Variants in MGARP observed in about 807,000 individuals in gnomAD.
The protein encoded by MGARP is mitochondria localized glutamic acid rich protein.
Under a neutral mutation model 11.0 loss-of-function variants are expected in MGARP, and 12 were observed. The observed-to-expected ratio is 1.09, with a 90% CI of 0.70 to 1.77. MGARP has a LOEUF of 1.77. Ranked by LOEUF, MGARP falls within the 40% of genes most tolerant of loss-of-function variation. MGARP has a pLI of 0.00. For missense variants in MGARP, 283 were observed against 297.8 expected (o/e 0.95, Z 0.36); for synonymous variants, 110 against 115.4 (o/e 0.95, Z 0.30).
chr4:139,273,040 T>A (rs928951480), intron 2 of MGARP, among the ~76,000 whole-genome samples: 1 of 151,900 alleles, frequency 6.6e-6, no homozygotes, highest in African/African-American at 2.4e-5. Context: ...ACTCTTAGAG[T>A]TTACAAAGAA....
In MGARP at chr4:139,272,426, G is replaced by A. The variant is rs185869446; in HGVS notation, c.186+2863C>T. 6.2e-3 allele frequency among the ~76,000 whole-genome samples: 936 copies of A among 151,714 alleles called. 10 individuals carry two copies. Among genetic ancestry groups the A allele is most frequent in the African/African-American group, 0.022 (894 of 41,398 alleles). Reference sequence around the variant, plus strand: ...AAAAAAAAATTAGCTGGGCGTGGTAGTGGGCACCTGTAGTCCCAGCTACTC... The same window carrying A: ...AAAAAAAAATTAGCTGGGCGTGGTAATGGGCACCTGTAGTCCCAGCTACTC... On this transcript the variant is annotated intron_variant, in intron 2 of 3. Coordinates refer to ENST00000398955, the MANE Select transcript of MGARP (RefSeq NM_032623.4).
rs1744934415 is a variant in MGARP at position 139,280,061 on chromosome 4, A to G, written c.82+16T>C. Reference sequence around the variant, plus strand: ...AGGCGCCCGTCCTCCTCTCCGGGCTAGACCTCCTTACTCACCGTCCTTTCC... The same window carrying G: ...AGGCGCCCGTCCTCCTCTCCGGGCTGGACCTCCTTACTCACCGTCCTTTCC... On this transcript the variant is annotated intron_variant, in intron 1 of 3. Coordinates refer to ENST00000398955, the MANE Select transcript of MGARP (RefSeq NM_032623.4). The G allele has an allele frequency of 6.2e-7, 1 of 1,611,506 alleles. No homozygotes were observed. The highest frequency in any genetic ancestry group is 1.7e-5 in the Admixed American group (1 of 59,962).
At chr4:139,268,831 G>A (rs1744735101) in intron 2 of MGARP, 66 bp from the exon 3 acceptor site, 1 of 1,169,584 alleles carries the variant, frequency 8.6e-7, no homozygotes, top group Non-Finnish European at 1.2e-6. Flanking sequence ...ACATCCAAAG[G>A]TACACTCAAG....
chr4:139,272,345 A>G lies in MGARP; in HGVS notation c.186+2944T>C, dbSNP rs182250822. ...GCCGAGGCAGGAAGATCACGAGGTC[A>G]GGAGATCAAGACCATACTGGCTAAC... On this transcript the variant is annotated intron_variant, in intron 2 of 3. Transcript: ENST00000398955. 2.5e-3 allele frequency among the ~76,000 whole-genome samples: 384 copies of G among 152,118 alleles called. 2 individuals are homozygous for G. The highest frequency in any genetic ancestry group is 8.1e-3 in the African/African-American group (336 of 41,516).
chr4:139,267,377 T>TA (rs112689302), intron 3 of MGARP, among the ~76,000 whole-genome samples: 8,770 of 150,776 alleles, frequency 0.058, 287 homozygotes, highest in East Asian at 0.11. Flanking sequence ...TCTTTGAACT[T>TA]AAAAAAAAAC....
chr4:139,277,781 G>A (rs903477603), intron 1 of MGARP, among the ~76,000 whole-genome samples: 2 of 152,012 alleles, frequency 1.3e-5, no homozygotes, highest in Non-Finnish European at 2.9e-5. Context: ...AGGAAGGAAT[G>A]AGGGGAAAAA....
chr4:139,277,620 A>G (rs1744892675), intron 1 of MGARP, among the ~76,000 whole-genome samples: 1 of 152,214 alleles, frequency 6.6e-6, no homozygotes, highest in African/African-American at 2.4e-5. Flanking sequence ...AATTAGACAA[A>G]TTTTAGCACA....
chr4:139,276,396 A>C (rs965203799), intron 1 of MGARP, among the ~76,000 whole-genome samples: 1 of 152,262 alleles, frequency 6.6e-6, no homozygotes, highest in African/African-American at 2.4e-5. Flanking sequence ...GTAAAACTCA[A>C]CTAGCTGGCC....
chr4:139,270,543 A>C (rs1192098756), intron 2 of MGARP, among the ~76,000 whole-genome samples: 1 of 141,528 alleles, frequency 7.1e-6, no homozygotes, highest in African/African-American at 2.6e-5. Context: ...CAGGAGGTGG[A>C]GCTTGCAGTG....
At chr4:139,276,711 T>G (rs931656361) in intron 1 of MGARP, among the ~76,000 whole-genome samples, 2 of 151,206 alleles carry the variant, frequency 1.3e-5, no homozygotes, top group Non-Finnish European at 2.9e-5. Context: ...TAGCTGAGAG[T>G]GGTGGTATGT....
intron 1 of MGARP, among the ~76,000 whole-genome samples, chr4:139,279,455 G>C (rs1336526807): frequency 6.6e-6 from 1 of 152,144 alleles, no homozygotes; most frequent in Non-Finnish European, 1.5e-5. Flanking sequence ...AAAGTGTCCC[G>C]AAGGCCGCTT....
chr4:139,275,047 C>T (rs1203088115), intron 2 of MGARP, among the ~76,000 whole-genome samples: 1 of 152,100 alleles, frequency 6.6e-6, no homozygotes, highest in Non-Finnish European at 1.5e-5. Context: ...TGAAATAAAA[C>T]TTAAAAATAA....
intron 2 of MGARP, among the ~76,000 whole-genome samples, chr4:139,270,840 T>A (rs900778233): frequency 3.4e-4 from 51 of 152,096 alleles, no homozygotes; most frequent in Non-Finnish European, 1.9e-4. Flanking sequence ...GTAGGACCAA[T>A]ATGATAAGTC....
Position 139,268,738 on chromosome 4 carries a change from C to T in MGARP, c.214G>A (p.Ala72Thr). The change falls in exon 3 of 4, where the codon GCC becomes ACC. Residue 72 changes from alanine to threonine, a missense_variant. Ala to Thr is a moderately conservative substitution (Grantham distance 58, BLOSUM62 0). Coordinates refer to ENST00000398955, the MANE Select transcript of MGARP (RefSeq NM_032623.4). The part of the protein sequence containing the change: ...YAYKTVTSDQ[A>T]KHTEHKTNLK... ...TTTGTTTTATGTTCTGTGTGTTTGG[C>T]TTGGTCTGATGTGACTGTCTTGTAA... The T allele has an allele frequency of 6.2e-7, 1 of 1,612,046 alleles. No homozygotes were observed. The highest frequency in any genetic ancestry group is 8.5e-7 in the Non-Finnish European group (1 of 1,179,220).
chr4:139,272,122 C>T (rs1744792049), intron 2 of MGARP, among the ~76,000 whole-genome samples: 1 of 142,280 alleles, frequency 7.0e-6, no homozygotes, highest in South Asian at 2.2e-4. Flanking sequence ...CAACATTAAA[C>T]AGTAGAAAGA....
chr4:139,279,454 C>T (rs1744921545), intron 1 of MGARP, among the ~76,000 whole-genome samples: 1 of 152,150 alleles, frequency 6.6e-6, no homozygotes, highest in Non-Finnish European at 1.5e-5. Flanking sequence ...GAAAGTGTCC[C>T]GAAGGCCGCT....
chr4:139,279,373 C>T (rs532536753), intron 1 of MGARP, among the ~76,000 whole-genome samples: 91 of 152,286 alleles, frequency 6.0e-4, no homozygotes, highest in African/African-American at 2.0e-3. Flanking sequence ...TCTCGCGTAT[C>T]CTCAGAACCA....
At chr4:139,272,248 T>C (rs935169654) in intron 2 of MGARP, among the ~76,000 whole-genome samples, 13 of 152,048 alleles carry the variant, frequency 8.5e-5, no homozygotes, top group Non-Finnish European at 1.8e-4. Context: ...ATTCTGAAGA[T>C]TATGACTAGC....
intron 2 of MGARP, among the ~76,000 whole-genome samples, chr4:139,273,510 CTTTTTTTT>C (rs1000327890): frequency 4.0e-5 from 5 of 123,644 alleles, no homozygotes; most frequent in Admixed American, 8.4e-5. Flanking sequence ...TACTTTTATT[CTTTTTTTT>C]TTTTTTTTTT....
Sources: gnomAD v4.1 joint callset for allele counts (sites outside exome capture counted in the v4.1 genomes callset) on GRCh38, gnomAD v4.1.1 for gene constraint, MANE v1.5 for transcripts, NCBI Gene and HGNC (gene_info 2026-07-23, HGNC 2026-07-21) for gene names.